The following XRCC4 variants were observed in gnomAD, a reference collection of about 807,000 sequenced individuals.
XRCC4 encodes the protein DNA repair protein XRCC4.
A neutral mutation model predicts 39.1 loss-of-function variants in XRCC4; 28 were observed. The observed-to-expected ratio is 0.72, with a 90% CI of 0.53 to 0.98. The LOEUF is 0.98. XRCC4 is among the 50% of genes least tolerant of loss of function. XRCC4 has a pLI of 0.00. For missense variants in XRCC4, 350 were observed against 376.4 expected (o/e 0.93, Z 0.58); for synonymous variants, 123 against 126.4 (o/e 0.97, Z 0.18).
intron 3 of XRCC4, among the ~76,000 whole-genome samples, chr5:83,116,500 T>C (rs893727578): frequency 6.6e-6 from 1 of 152,168 alleles, no homozygotes; most frequent in Non-Finnish European, 1.5e-5. Flanking sequence ...AACTTTCTTT[T>C]TTTCTTAAAA....
At chr5:83,209,189 T>C (rs548899321) in intron 6 of XRCC4, among the ~76,000 whole-genome samples, 3 of 152,138 alleles carry the variant, frequency 2.0e-5, no homozygotes, top group Non-Finnish European at 2.9e-5. Context: ...AGAAACTCTT[T>C]TTCTTTCCAA....
Position 83,156,468 on chromosome 5 carries a change from A to G in XRCC4, c.316-39302A>G, listed in dbSNP as rs551412522. ...AAATAAAATAAAATTTTCCTGATTG[A>G]CAAAGAAAAAAGGACATTTTATTGT... is the stretch of plus-strand genomic sequence containing the variant. On this transcript the variant is annotated intron_variant, in intron 3 of 7. Coordinates refer to ENST00000396027, the MANE Select transcript of XRCC4 (RefSeq NM_003401.5). Among the ~76,000 whole-genome samples the G allele has an allele frequency of 1.4e-4, 21 of 152,196 alleles. No homozygotes were observed. In the South Asian group the frequency reaches 3.9e-3, roughly 29 times the overall value.
chr5:83,342,856 A>G (rs977031446), intron 7 of XRCC4, among the ~76,000 whole-genome samples: 2 of 152,160 alleles, frequency 1.3e-5, no homozygotes, highest in African/African-American at 4.8e-5. Flanking sequence ...GGTGATGTCA[A>G]GTCTTTAAGC....
intron 3 of XRCC4, among the ~76,000 whole-genome samples, chr5:83,191,584 C>T (rs1750696547): frequency 6.6e-6 from 1 of 152,154 alleles, no homozygotes. Flanking sequence ...CCTGTAATCC[C>T]AGCTACTCAG....
At position 83,151,647 on chromosome 5, in the gene XRCC4, AAAAT is replaced by A. The variant is rs570441360; in HGVS notation, c.315+40457_315+40460del. Among the ~76,000 whole-genome samples, 13 of 152,288 alleles carry A rather than the reference AAAAT, an allele frequency of 8.5e-5. 1 individual carries two copies. In the South Asian group the frequency reaches 2.5e-3, roughly 29 times the overall value. On this transcript the variant is annotated intron_variant, in intron 3 of 7. Coordinates refer to ENST00000396027, the MANE Select transcript of XRCC4 (RefSeq NM_003401.5). ...TAATAGCCATATTGGATTGGGGATA[AAAAT>A]AAATAAATAAATGAATAAATATCCA...
At chr5:83,298,888 G>A (rs142912897) in intron 7 of XRCC4, among the ~76,000 whole-genome samples, 8 of 151,776 alleles carry the variant, frequency 5.3e-5, no homozygotes, top group African/African-American at 1.9e-4. Flanking sequence ...CAAGTAACCT[G>A]CTAACTTTTA....
At chr5:83,257,143 C>T (rs1333379127) in intron 6 of XRCC4, among the ~76,000 whole-genome samples, 2 of 151,960 alleles carry the variant, frequency 1.3e-5, no homozygotes, top group African/African-American at 4.8e-5. Context: ...AGCTTTTCTG[C>T]CAGAATGTAA....
At chr5:83,175,032 AGAAT>A (rs1386583774) in intron 3 of XRCC4, among the ~76,000 whole-genome samples, 3 of 152,208 alleles carry the variant, frequency 2.0e-5, no homozygotes, top group African/African-American at 7.2e-5. Flanking sequence ...AACTAAAGAA[AGAAT>A]GTTCAATTGA....
intron 3 of XRCC4, among the ~76,000 whole-genome samples, chr5:83,173,870 G>T (rs1014175752): frequency 2.0e-5 from 3 of 152,184 alleles, no homozygotes; most frequent in Non-Finnish European, 2.9e-5. Context: ...CCTTTGGGAA[G>T]AGTTTAGAAC....
intron 3 of XRCC4, among the ~76,000 whole-genome samples, chr5:83,144,267 C>CTCTG (rs144947047): frequency 7.1e-6 from 1 of 140,044 alleles, no homozygotes; most frequent in East Asian, 2.1e-4. Flanking sequence ...TAATATTCCT[C>CTCTG]TGTGTGTGTG....
chr5:83,300,890 C>A (rs1402731591), intron 7 of XRCC4, among the ~76,000 whole-genome samples: 1 of 152,014 alleles, frequency 6.6e-6, no homozygotes, highest in Non-Finnish European at 1.5e-5. Flanking sequence ...TCATCCATGT[C>A]CCCTGCAAAG....
chr5:83,235,256 A>G (rs7736011), intron 6 of XRCC4, among the ~76,000 whole-genome samples: 30,732 of 149,158 alleles, frequency 0.21, 7,188 homozygotes, highest in African/African-American at 0.58. Context: ...GATCACTTGA[A>G]CCCAGGAGGC....
At chr5:83,176,405 T>C (rs1050418183) in intron 3 of XRCC4, among the ~76,000 whole-genome samples, 9 of 152,038 alleles carry the variant, frequency 5.9e-5, no homozygotes, top group Admixed American at 2.0e-4. Context: ...TATGTACCCA[T>C]AAAAATTAAA....
the XRCC4 span, among the ~76,000 whole-genome samples, chr5:83,358,906 CTGCAAGGA>C: frequency 1.3e-5 from 2 of 152,184 alleles, no homozygotes; most frequent in Non-Finnish European, 2.9e-5. Flanking sequence ...GGAGAAGCGA[CTGCAAGGA>C]TGCCTTATCA....
At chr5:83,161,949 A>G (rs1749233144) in intron 3 of XRCC4, among the ~76,000 whole-genome samples, 1 of 152,134 alleles carries the variant, frequency 6.6e-6, no homozygotes, top group Admixed American at 6.5e-5. Flanking sequence ...GCAGGTCACA[A>G]GGTCAGGAGA....
chr5:83,086,448 G>A (rs1413337433), intron 1 of XRCC4, among the ~76,000 whole-genome samples: 1 of 152,128 alleles, frequency 6.6e-6, no homozygotes, highest in African/African-American at 2.4e-5. Context: ...AAAAGTAAAT[G>A]TTATTAAGAA....
At chr5:83,278,811 C>A (rs898175721) in intron 7 of XRCC4, among the ~76,000 whole-genome samples, 1 of 151,440 alleles carries the variant, frequency 6.6e-6, no homozygotes, top group Non-Finnish European at 1.5e-5. Context: ...CATGGCGAAA[C>A]CCTGTCTCTA....
chr5:83,222,838 C>T (rs1300610601), intron 6 of XRCC4, among the ~76,000 whole-genome samples: 3 of 152,042 alleles, frequency 2.0e-5, no homozygotes, highest in Non-Finnish European at 4.4e-5. Context: ...GCCTCGACTT[C>T]CCTGGCTCAA....
intron 2 of XRCC4, among the ~76,000 whole-genome samples, chr5:83,107,468 T>G (rs1386268886): frequency 6.6e-6 from 1 of 151,866 alleles, no homozygotes; most frequent in Non-Finnish European, 1.5e-5. Flanking sequence ...ATTAAAAGGA[T>G]GTAAGTTTTC....
Sources: allele counts gnomAD v4.1 joint callset (sites outside exome capture counted in the v4.1 genomes callset), GRCh38; gene constraint gnomAD v4.1.1; transcripts MANE v1.5; gene names NCBI Gene and HGNC (gene_info 2026-07-23, HGNC 2026-07-21).